The following CEP89 variants were observed in gnomAD, a reference collection of about 807,000 sequenced individuals.
CEP89 encodes the protein centrosomal protein of 89 kDa.
CEP89 carries 95 observed loss-of-function variants against 97.6 expected under a neutral mutation model. The ratio of observed to expected loss-of-function variants is 0.97; its 90% CI spans 0.82 to 1.15. The LOEUF (loss-of-function observed/expected upper bound fraction) is 1.15. Ranked by LOEUF, CEP89 falls within the 50% of genes most tolerant of loss-of-function variation. The pLI, the probability that CEP89 is intolerant of heterozygous loss-of-function variation, is 0.00. For synonymous variants in CEP89, 354 were observed against 349.1 expected, an observed-to-expected ratio of 1.01 and a Z score of -0.16; for missense variants, 869 against 947.7, an observed-to-expected ratio of 0.92 and a Z score of 1.09.
chr19:32,953,696 G>A lies in CEP89; in HGVS notation c.411C>T (p.Gly137=). ...GGGCACTGACATCCCCCAATTCCTT[G>A]CCGCTGGATGACAGCTGAGTTTCAA... The part of the protein sequence containing the change: ...EDIETQLSSS[G]KELGDVSARE... The change falls in exon 4 of 19, where the codon GGC becomes GGT. Residue 137 remains glycine (G), a synonymous_variant. Coordinates refer to ENST00000305768, the MANE Select transcript of CEP89 (RefSeq NM_032816.5). 1 of 1,613,982 alleles carries A rather than the reference G, an allele frequency of 6.2e-7. No homozygotes were observed. Among genetic ancestry groups the A allele is most frequent in the Non-Finnish European group, 8.5e-7 (1 of 1,179,914 alleles).
At position 32,968,240 on chromosome 19, in the gene CEP89, G is replaced by A. The variant is rs531579438; in HGVS notation, c.40-1774C>T. On this transcript the variant is annotated intron_variant, in intron 1 of 18. Coordinates refer to ENST00000305768, the MANE Select transcript of CEP89 (RefSeq NM_032816.5). ...CCCTCCACCACCTGCTACACGACAA[G>A]AAATGGTTTTTGTTTGTTTGCTTGT... Among the ~76,000 whole-genome samples the A allele has an allele frequency of 4.6e-5, 7 of 152,218 alleles. No individual in the cohort carries two copies. The South Asian group carries it at 8.3e-4, about 18-fold the overall frequency.
intron 10 of CEP89, among the ~76,000 whole-genome samples, chr19:32,926,610 C>T (rs1436939883): frequency 6.6e-6 from 1 of 152,184 alleles, no homozygotes; most frequent in Non-Finnish European, 1.5e-5. Flanking sequence ...CGCCCAGGCT[C>T]GCGTGCAGTG....
At position 32,959,935 on chromosome 19, in the gene CEP89, G is replaced by A. The variant is rs147379415; in HGVS notation, c.270C>T (p.Ile90=). 614 of 1,614,206 alleles carry A rather than the reference G, an allele frequency of 3.8e-4. No individual in the cohort carries two copies. The highest frequency in any genetic ancestry group is 4.3e-4 in the Non-Finnish European group (502 of 1,180,042). ...GCTGTGAGGTGGTGGCATAGGGCTCGATGAAGCTGTCCTGTTCAACACTGC... is the reference window on the plus strand; with the variant it reads ...GCTGTGAGGTGGTGGCATAGGGCTCAATGAAGCTGTCCTGTTCAACACTGC... The part of the protein sequence containing the change: ...DVSSVEQDSF[I]EPYATTSQLR... The change falls in exon 3 of 19, where the codon ATC becomes ATT. Residue 90 remains isoleucine (I), a synonymous_variant. Transcript: ENST00000305768.
At chr19:32,920,108 G>C (rs1970217241) in intron 12 of CEP89, among the ~76,000 whole-genome samples, 2 of 152,158 alleles carry the variant, frequency 1.3e-5, no homozygotes, top group Admixed American at 1.3e-4. Context: ...CGCCATCAGA[G>C]CTCACTGTAG....
chr19:32,950,897 AT>A (rs1413748542), intron 4 of CEP89, among the ~76,000 whole-genome samples: 1 of 152,182 alleles, frequency 6.6e-6, no homozygotes, highest in African/African-American at 2.4e-5. Flanking sequence ...CAAACTCCAA[AT>A]AATGCATATC....
In CEP89 at chr19:32,923,477, T is replaced by C; in HGVS notation, c.1230A>G (p.Gln410=). 6.2e-7 allele frequency: 1 copy of C among 1,610,120 alleles called. No individual in the cohort carries two copies. The highest frequency in any genetic ancestry group is 8.5e-7 in the Non-Finnish European group (1 of 1,176,488). ...EVVKENEELH[Q]ELNKSSAVTS... The stretch of plus-strand genomic sequence containing the variant: ...TAACAGCACTACTCTTATTTAACTC[T>C]TGGTGCAATTCTTCATTTTCTTTCA... The change falls in exon 12 of 19, where the codon CAA becomes CAG. Residue 410 remains glutamine, a synonymous_variant. Transcript: ENST00000305768.
In CEP89 at chr19:32,961,702, G is replaced by A. The variant is rs534163575; in HGVS notation, c.147-1644C>T. ...TCTGTTGCCCAGGCTGGAGTACAGT[G>A]GCGCAATCACAGCTCAGTATAGCCT... On this transcript the variant is annotated intron_variant, in intron 2 of 18. Coordinates refer to ENST00000305768, the MANE Select transcript of CEP89 (RefSeq NM_032816.5). Among the ~76,000 whole-genome samples the A allele has an allele frequency of 4.0e-5, 6 of 151,892 alleles. No individual in the cohort carries two copies. In the East Asian group the frequency reaches 1.2e-3, roughly 30 times the overall value.
At chr19:32,899,571 T>TA (rs1165906699) in intron 16 of CEP89, among the ~76,000 whole-genome samples, 2 of 152,202 alleles carry the variant, frequency 1.3e-5, no homozygotes, top group Non-Finnish European at 2.9e-5. Flanking sequence ...GTTCCCAACT[T>TA]ATGATGGTTC....
chr19:32,924,582 G>C (rs1355569934), intron 11 of CEP89, among the ~76,000 whole-genome samples: 1 of 152,062 alleles, frequency 6.6e-6, no homozygotes. Context: ...ACTCCCAGCT[G>C]TCAGGTGTTT....
intron 9 of CEP89, 23 bp downstream of exon 9, chr19:32,931,406 A>G: frequency 6.5e-7 from 1 of 1,548,330 alleles, no homozygotes; most frequent in Middle Eastern, 1.7e-4. Context: ...TGAAAAGCTG[A>G]TTTTCACAAT....
chr19:32,907,302 A>C (rs927783300), intron 14 of CEP89, among the ~76,000 whole-genome samples: 3 of 152,196 alleles, frequency 2.0e-5, no homozygotes, highest in Non-Finnish European at 4.4e-5. Flanking sequence ...CAAGGCTGCA[A>C]GTGAGCCATG....
chr19:32,909,270 C>G (rs919910362), intron 14 of CEP89, among the ~76,000 whole-genome samples: 3 of 152,132 alleles, frequency 2.0e-5, no homozygotes, highest in Admixed American at 1.3e-4. Context: ...CAAAGGGAAG[C>G]CTTTATCCTG....
At chr19:32,920,470 T>TTTTATTTA (rs753390437) in intron 12 of CEP89, among the ~76,000 whole-genome samples, 2 of 152,024 alleles carry the variant, frequency 1.3e-5, no homozygotes, top group African/African-American at 4.8e-5. Flanking sequence ...TCTTATTTTG[T>TTTTATTTA]TTTATTTATT....
At chr19:32,968,491 G>A (rs534666377) in intron 1 of CEP89, among the ~76,000 whole-genome samples, 72 of 152,248 alleles carry the variant, frequency 4.7e-4, no homozygotes, top group Middle Eastern at 3.4e-3. Flanking sequence ...CAGGCAATCC[G>A]CCTGCCTTGG....
chr19:32,887,497 C>T (rs1599709969), intron 17 of CEP89, among the ~76,000 whole-genome samples: 1 of 152,086 alleles, frequency 6.6e-6, no homozygotes, highest in East Asian at 1.9e-4. Context: ...GAGATTACAG[C>T]GTGAGCCACT....
intron 3 of CEP89, among the ~76,000 whole-genome samples, chr19:32,958,085 A>T (rs2145966311): frequency 6.6e-6 from 1 of 150,758 alleles, no homozygotes; most frequent in East Asian, 2.0e-4. Context: ...ATCTCCTCTG[A>T]TGGTCTTACG....
intron 16 of CEP89, among the ~76,000 whole-genome samples, chr19:32,895,974 A>G (rs1312959462): frequency 6.6e-6 from 1 of 152,224 alleles, no homozygotes; most frequent in Non-Finnish European, 1.5e-5. Context: ...AGCTGATTCA[A>G]ACTAATGGAA....
At chr19:32,894,914 C>G (rs759184662) in intron 16 of CEP89, among the ~76,000 whole-genome samples, 7 of 152,148 alleles carry the variant, frequency 4.6e-5, no homozygotes, top group African/African-American at 7.2e-5. Context: ...ACAACACTAC[C>G]AAGATTGAAT....
At chr19:32,953,845 A>T in intron 3 of CEP89, 44 bp from the exon 4 acceptor site, 1 of 1,305,248 alleles carries the variant, frequency 7.7e-7, no homozygotes, top group Non-Finnish European at 1.1e-6. Context: ...AAAGTCACTT[A>T]ACACTTGACA....
Sources: allele counts gnomAD v4.1 joint callset (sites outside exome capture counted in the v4.1 genomes callset), GRCh38; gene constraint gnomAD v4.1.1; transcripts MANE v1.5; gene names NCBI Gene and HGNC (gene_info 2026-07-23, HGNC 2026-07-21).